ADAMTSL1: variants seen among roughly 807,000 people sequenced by gnomAD.
ADAMTSL1 encodes ADAMTS like 1, also known as ADAMTS-like protein 1.
Under a neutral mutation model 201.8 loss-of-function variants are expected in ADAMTSL1, and 126 were observed. That is an observed-to-expected ratio of 0.62 (90% CI 0.54 to 0.72). The LOEUF is 0.72. ADAMTSL1 is among the 30% of genes least tolerant of loss of function. The pLI, the probability that ADAMTSL1 is intolerant of heterozygous loss-of-function variation, is 0.00. For missense variants in ADAMTSL1, 2,679 were observed against 2,277.8 expected, an observed-to-expected ratio of 1.18 and a Z score of -3.59; for synonymous variants, 1,121 against 903.4, an observed-to-expected ratio of 1.24 and a Z score of -4.32.
chr9:18,905,801 G>C lies in ADAMTSL1; in HGVS notation c.4871G>C (p.Gly1624Ala). ...SWGQCNGPCI[G>A]PHLAVQHRQV... ...TTCCAGTGCAATGGGCCTTGCATCG[G>C]GCCTCACCTAGCTGTGCAACACAGA... The change falls in exon 27 of 29, where the codon GGG (glycine) becomes GCG (alanine). Residue 1624 changes from glycine to alanine, a missense_variant. Transcript: ENST00000380548. The C allele has an allele frequency of 6.2e-7, 1 of 1,613,282 alleles. No homozygotes were observed. Among genetic ancestry groups the C allele is most frequent in the East Asian group, 2.2e-5 (1 of 44,864 alleles).
intron 2 of ADAMTSL1, among the ~76,000 whole-genome samples, chr9:18,277,741 T>C (rs1386855997): frequency 6.6e-6 from 1 of 152,208 alleles, no homozygotes; most frequent in South Asian, 2.1e-4. Flanking sequence ...CCTATGTCTT[T>C]TCACTGGAGA....
intron 2 of ADAMTSL1, among the ~76,000 whole-genome samples, chr9:18,344,752 A>G (rs1224293706): frequency 6.6e-6 from 1 of 152,106 alleles, no homozygotes; most frequent in Non-Finnish European, 1.5e-5. Flanking sequence ...AAAATGAACA[A>G]CTGTGGGGTG....
intron 26 of ADAMTSL1, among the ~76,000 whole-genome samples, chr9:18,904,675 T>A (rs1382580275): frequency 3.3e-5 from 3 of 92,102 alleles, no homozygotes; most frequent in Admixed American, 1.3e-4. Flanking sequence ...AAAAAAAAGG[T>A]CCGTTTATGT....
chr9:18,474,375 TTGTGTGTG>T, intron 1 of ADAMTSL1, 80 bp downstream of exon 1: 3 of 1,340,892 alleles, frequency 2.2e-6, no homozygotes, highest in African/African-American at 1.5e-5. Flanking sequence ...GTATGTGTGT[TTGTGTGTG>T]TGTGTGTGTC....
chr9:17,963,597 C>G (rs12552218), intron 1 of ADAMTSL1, among the ~76,000 whole-genome samples: 6,914 of 152,164 alleles, frequency 0.045, 380 homozygotes, highest in African/African-American at 0.13. Flanking sequence ...GTTGTTGATT[C>G]TAAAAGGATA....
chr9:18,065,134 G>A (rs2131712873), intron 1 of ADAMTSL1, among the ~76,000 whole-genome samples: 1 of 152,058 alleles, frequency 6.6e-6, no homozygotes, highest in Admixed American at 6.5e-5. Context: ...TAAATTTGTA[G>A]AAAACTTTTT....
At chr9:18,500,906 G>C (rs924616486) in intron 1 of ADAMTSL1, among the ~76,000 whole-genome samples, 12 of 152,124 alleles carry the variant, frequency 7.9e-5, no homozygotes, top group African/African-American at 2.7e-4. Context: ...TGACATTGCT[G>C]CTGAAATTTC....
chr9:18,595,142 T>C (rs980167077), intron 4 of ADAMTSL1, among the ~76,000 whole-genome samples: 11 of 152,226 alleles, frequency 7.2e-5, no homozygotes, highest in African/African-American at 2.4e-4. Flanking sequence ...AATAGGGCTA[T>C]GTGGGAATGC....
chr9:18,268,035 A>T (rs10756954), intron 2 of ADAMTSL1, among the ~76,000 whole-genome samples: 48,412 of 152,046 alleles, frequency 0.32, 9,450 homozygotes, highest in South Asian at 0.44. Context: ...ATTAGGAAAG[A>T]TTGATTGATC....
intron 7 of ADAMTSL1, among the ~76,000 whole-genome samples, chr9:18,653,968 C>T (rs1828461061): frequency 6.6e-6 from 1 of 152,224 alleles, no homozygotes; most frequent in Non-Finnish European, 1.5e-5. Context: ...TGGCTCACGC[C>T]TGTAATCCCA....
chr9:18,321,161 C>G (rs1289186354), intron 2 of ADAMTSL1, among the ~76,000 whole-genome samples: 1 of 152,052 alleles, frequency 6.6e-6, no homozygotes, highest in East Asian at 1.9e-4. Context: ...GTTGGCATGG[C>G]TCTATTAATG....
At chr9:17,915,552 G>A (rs771343333) in intron 1 of ADAMTSL1, among the ~76,000 whole-genome samples, 5 of 152,132 alleles carry the variant, frequency 3.3e-5, no homozygotes, top group African/African-American at 7.2e-5. Context: ...GTATGAACAC[G>A]TTGTTTAATT....
At chr9:18,232,215 A>C (rs1472721486) in intron 2 of ADAMTSL1, among the ~76,000 whole-genome samples, 2 of 152,088 alleles carry the variant, frequency 1.3e-5, no homozygotes, top group Non-Finnish European at 2.9e-5. Context: ...TCTTCTCCAG[A>C]CATGCCTGCC....
chr9:18,289,385 A>G (rs966777901), intron 2 of ADAMTSL1, among the ~76,000 whole-genome samples: 2 of 152,224 alleles, frequency 1.3e-5, no homozygotes, highest in Non-Finnish European at 2.9e-5. Flanking sequence ...GTAGCTGGGC[A>G]TCTTGTGGCC....
chr9:17,915,851 T>G lies in ADAMTSL1; in HGVS notation c.87+8929T>G, dbSNP rs530953347. Among the ~76,000 whole-genome samples, 8 of 152,346 alleles carry G rather than the reference T, an allele frequency of 5.3e-5. No individual in the cohort carries two copies. In the East Asian group the frequency reaches 1.5e-3, roughly 29 times the overall value. On this transcript the variant is annotated intron_variant, in intron 1 of 29. Coordinates refer to the ADAMTSL1 transcript ENST00000680146. ...ATCCACACATCTTCTTTGGTAAAATTTCTATTCAAATATTTAGCCCATTAT... is the reference window on the plus strand; with the variant it reads ...ATCCACACATCTTCTTTGGTAAAATGTCTATTCAAATATTTAGCCCATTAT...
chr9:18,576,765 A>AGGT (rs1312247121), intron 4 of ADAMTSL1, among the ~76,000 whole-genome samples: 1 of 152,206 alleles, frequency 6.6e-6, no homozygotes, highest in Non-Finnish European at 1.5e-5. Flanking sequence ...GCATCATACG[A>AGGT]GGTAGTAGTA....
chr9:18,420,501 G>A (rs1038053051), intron 2 of ADAMTSL1, among the ~76,000 whole-genome samples: 13 of 152,220 alleles, frequency 8.5e-5, no homozygotes, highest in African/African-American at 2.9e-4. Context: ...CTGACCTGGT[G>A]GATTTCTCCT....
At chr9:17,979,630 G>T (rs1242061897) in intron 1 of ADAMTSL1, among the ~76,000 whole-genome samples, 1 of 151,394 alleles carries the variant, frequency 6.6e-6, no homozygotes, top group African/African-American at 2.4e-5. Flanking sequence ...AGGAGCTTTT[G>T]TAAGATCAGT....
chr9:18,266,143 C>A (rs774978108), intron 2 of ADAMTSL1, among the ~76,000 whole-genome samples: 17 of 152,182 alleles, frequency 1.1e-4, no homozygotes, highest in Non-Finnish European at 2.2e-4. Context: ...AGACAGCAGG[C>A]GCCACTGCTG....
Sources: gnomAD v4.1 joint callset for allele counts (sites outside exome capture counted in the v4.1 genomes callset) on GRCh38, gnomAD v4.1.1 for gene constraint, MANE v1.5 for transcripts, NCBI Gene and HGNC (gene_info 2026-07-23, HGNC 2026-07-21) for gene names.